The following KBTBD11 variants were observed in gnomAD, a reference collection of about 807,000 sequenced individuals.
KBTBD11 encodes kelch repeat and BTB domain containing 11.
For missense variants in KBTBD11, 1,390 were observed against 1,001.8 expected (o/e 1.39, Z -5.23); for synonymous variants, 747 against 499.0 (o/e 1.50, Z -6.63).
chr8:1,994,478 G>A (rs1817058408), intron 1 of KBTBD11, among the ~76,000 whole-genome samples: 1 of 152,266 alleles, frequency 6.6e-6, no homozygotes, highest in Admixed American at 6.5e-5. Context: ...TCATGGCACG[G>A]TGGCTGATGG....
intron 1 of KBTBD11, among the ~76,000 whole-genome samples, chr8:1,997,600 C>T (rs770142891): frequency 1.5e-4 from 23 of 152,228 alleles, no homozygotes; most frequent in Non-Finnish European, 2.5e-4. Flanking sequence ...AGAGGGGCGG[C>T]GGAGGGCTCC....
intron 1 of KBTBD11, among the ~76,000 whole-genome samples, chr8:1,992,496 G>A (rs1816956344): frequency 6.6e-6 from 1 of 152,018 alleles, no homozygotes; most frequent in African/African-American, 2.4e-5. Flanking sequence ...GGCTGGAGGT[G>A]TAGGTACCTG....
Position 1,973,725 on chromosome 8 carries a change from C to A in KBTBD11, c.-1119C>A. 1 of 983,812 alleles carries A rather than the reference C, an allele frequency of 1.0e-6. No individual in the cohort carries two copies. Among genetic ancestry groups the A allele is most frequent in the African/African-American group, 1.7e-5 (1 of 57,180 alleles). The allele number at this position is 983,812 out of a possible 1,614,324, so 60.9% of individuals were successfully genotyped here. On this transcript the variant is annotated 5_prime_UTR_variant, in exon 1 of 2. Coordinates refer to ENST00000320248, the MANE Select transcript of KBTBD11 (RefSeq NM_014867.3). ...GCCTGGAGCCGGAGCGCTGGCTCCG[C>A]GCGGCCTGGAGAGGCGGAGAGGCCT...
At position 2,003,255 on chromosome 8, in the gene KBTBD11, TG is replaced by T. The variant is rs529450608; in HGVS notation, c.*196del. On this transcript the variant is annotated 3_prime_UTR_variant, in exon 2 of 2. Coordinates refer to ENST00000320248, the MANE Select transcript of KBTBD11 (RefSeq NM_014867.3). Reference sequence around the variant, plus strand: ...CTTTCCTTTTGCTTGTCTTTGCTTCTGGGGGTGGATGCCTTGAGACCCAGGA... The same window carrying T: ...CTTTCCTTTTGCTTGTCTTTGCTTCTGGGGTGGATGCCTTGAGACCCAGGA... The T allele has an allele frequency of 8.8e-6, 8 of 907,030 alleles. No homozygotes were observed. The South Asian group carries it at 4.0e-4, about 46-fold the overall frequency. 56.2% of individuals were successfully genotyped at this position (907,030 alleles called of 1,614,324 possible). A position where few individuals can be genotyped will look rare whatever the true frequency, so the allele number is the denominator to read the frequency against.
chr8:1,982,172 G>A (rs759820102), intron 1 of KBTBD11, among the ~76,000 whole-genome samples: 2 of 152,160 alleles, frequency 1.3e-5, no homozygotes, highest in Non-Finnish European at 2.9e-5. Context: ...CAGTTAAATC[G>A]TCAGCTTAAA....
intron 1 of KBTBD11, among the ~76,000 whole-genome samples, chr8:1,986,113 T>C (rs1444898454): frequency 6.6e-6 from 1 of 152,220 alleles, no homozygotes; most frequent in African/African-American, 2.4e-5. Flanking sequence ...TCATCAACCT[T>C]CCTTCCCTTT....
chr8:1,987,725 T>TTTATTATTA (rs10628962), intron 1 of KBTBD11, among the ~76,000 whole-genome samples: 4,492 of 149,262 alleles, frequency 0.03, 121 homozygotes, highest in African/African-American at 0.067. Context: ...TTTTGGAGCC[T>TTTATTATTA]TTATTATTAT....
At position 1,973,851 on chromosome 8, in the gene KBTBD11, C is replaced by G. The variant is rs1393278113; in HGVS notation, c.-993C>G. The G allele has an allele frequency of 4.4e-4, 434 of 982,724 alleles. No individual in the cohort carries two copies. Among genetic ancestry groups the G allele is most frequent in the Non-Finnish European group, 5.0e-4 (415 of 828,988 alleles). 60.9% of individuals were successfully genotyped at this position (982,724 alleles called of 1,614,324 possible). ...GCCGGGCCGCGGCTCCCACAGGTGC[C>G]GGGAAGCGGCCGCGCGCATGCGCCG... On this transcript the variant is annotated 5_prime_UTR_variant, in exon 1 of 2. Transcript: ENST00000320248.
At chr8:1,987,370 C>G (rs1018643048) in intron 1 of KBTBD11, among the ~76,000 whole-genome samples, 3 of 152,184 alleles carry the variant, frequency 2.0e-5, no homozygotes, top group Non-Finnish European at 4.4e-5. Context: ...CAAAACCCAT[C>G]TAGGAGTCGC....
intron 1 of KBTBD11, among the ~76,000 whole-genome samples, chr8:1,991,248 C>G (rs965772260): frequency 4.6e-5 from 7 of 152,258 alleles, no homozygotes; most frequent in African/African-American, 1.7e-4. Context: ...AGGGCAGCGG[C>G]TGCACCGTGC....
At chr8:1,982,592 G>T (rs888230428) in intron 1 of KBTBD11, among the ~76,000 whole-genome samples, 2 of 152,214 alleles carry the variant, frequency 1.3e-5, no homozygotes, top group Non-Finnish European at 2.9e-5. Flanking sequence ...AAGCATTAGA[G>T]AGCAGAGGGA....
Position 2,000,998 on chromosome 8 carries a change from G to A in KBTBD11, c.-195G>A. 1 of 695,832 alleles carries A rather than the reference G, an allele frequency of 1.4e-6. No individual in the cohort carries two copies. The highest frequency in any genetic ancestry group is 2.0e-6 in the Non-Finnish European group (1 of 498,344). 43.1% of individuals were successfully genotyped at this position (695,832 alleles called of 1,614,324 possible). On this transcript the variant is annotated 5_prime_UTR_variant, in exon 2 of 2. Coordinates refer to ENST00000320248, the MANE Select transcript of KBTBD11 (RefSeq NM_014867.3). ...CCTCGCTGGAGAGGAGAGGGCAAAG[G>A]CGAGGCGGGGGAGCAGCGTGTGAGA...
chr8:2,001,430 G>GC lies in KBTBD11; in HGVS notation c.240dup (p.Gly81ArgfsTer15). On this transcript the variant is annotated frameshift_variant, in exon 2 of 2. Coordinates refer to ENST00000320248, the MANE Select transcript of KBTBD11 (RefSeq NM_014867.3). LOFTEE classifies it low-confidence loss of function (END_TRUNC). ...GCGGGTGGTGGAGCGGCAGTGGGAG[G>GC]CCGGCAGCGCGGGCGCCGCGTCCCC... 7.4e-7 allele frequency: 1 copy of GC among 1,359,508 alleles called. No homozygotes were observed. The highest frequency in any genetic ancestry group is 9.4e-7 in the Non-Finnish European group (1 of 1,063,880). The allele number at this position is 1,359,508 out of a possible 1,614,324, so 84.2% of individuals were successfully genotyped here.
At chr8:1,979,068 A>G (rs1376643532) in intron 1 of KBTBD11, among the ~76,000 whole-genome samples, 1 of 152,014 alleles carries the variant, frequency 6.6e-6, no homozygotes, top group Non-Finnish European at 1.5e-5. Context: ...ATGTGTGTGC[A>G]TGTGTGTGCA....
chr8:1,995,241 A>G (rs1049947926), intron 1 of KBTBD11, among the ~76,000 whole-genome samples: 5 of 152,058 alleles, frequency 3.3e-5, no homozygotes, highest in East Asian at 1.9e-4. Context: ...ATTGCTTACA[A>G]TTGGCTTTAG....
In KBTBD11 at chr8:1,979,090, G is replaced by A. The variant is rs80111699; in HGVS notation, c.-909+5155G>A. ...TGCATGTGTGTGCATGTGTCTGCAC[G>A]TGTGAGAGGGATTAGAGAGCAAGAT... is the stretch of plus-strand genomic sequence containing the variant. On this transcript the variant is annotated intron_variant, in intron 1 of 1. Coordinates refer to ENST00000320248, the MANE Select transcript of KBTBD11 (RefSeq NM_014867.3). Among the ~76,000 whole-genome samples the A allele has an allele frequency of 2.8e-3, 425 of 152,288 alleles. 3 individuals carry two copies. The highest frequency in any genetic ancestry group is 9.8e-3 in the African/African-American group (408 of 41,574).
In KBTBD11 at chr8:2,004,575, G is replaced by C. The variant is rs1817514661; in HGVS notation, c.*1511G>C. ...CTTTTTAAAGAGTCTGTGGTTATGA[G>C]AGGTCTCAGTTAAGTGTGTTTAGAA... On this transcript the variant is annotated 3_prime_UTR_variant, in exon 2 of 2. Coordinates refer to ENST00000320248, the MANE Select transcript of KBTBD11 (RefSeq NM_014867.3). 6.0e-6 allele frequency: 1 copy of C among 167,094 alleles called. No homozygotes were observed. The highest frequency in any genetic ancestry group is 2.1e-4 in the South Asian group (1 of 4,830). 10.4% of individuals were successfully genotyped at this position (167,094 alleles called of 1,614,324 possible).
chr8:1,978,952 G>A (rs1159994653), intron 1 of KBTBD11, among the ~76,000 whole-genome samples: 2 of 152,202 alleles, frequency 1.3e-5, no homozygotes, highest in South Asian at 2.1e-4. Flanking sequence ...AGCAATGAGA[G>A]ACCCACCCCC....
chr8:1,987,673 G>A (rs747288266), intron 1 of KBTBD11, among the ~76,000 whole-genome samples: 5 of 152,002 alleles, frequency 3.3e-5, no homozygotes, highest in Admixed American at 2.6e-4. Context: ...CTGGGAGGAC[G>A]CACCTGTCAC....
Sources: allele counts gnomAD v4.1 joint callset (sites outside exome capture counted in the v4.1 genomes callset), GRCh38; gene constraint gnomAD v4.1.1; transcripts MANE v1.5; gene names NCBI Gene and HGNC (gene_info 2026-07-23, HGNC 2026-07-21).